PRDM15: variants seen among roughly 807,000 people sequenced by gnomAD.
PRDM15 encodes PR/SET domain 15, also known as PR domain zinc finger protein 15.
PRDM15 carries 64 observed loss-of-function variants against 128.6 expected under a neutral mutation model. That is an observed-to-expected ratio of 0.50 (90% CI 0.41 to 0.61). The LOEUF is 0.61. Ranked by LOEUF, PRDM15 falls within the 20% of genes least tolerant of loss-of-function variation. PRDM15 has a pLI of 0.00. For missense variants in PRDM15, 1,242 were observed against 1,569.1 expected, an observed-to-expected ratio of 0.79 and a Z score of 3.52; for synonymous variants, 615 against 621.8, an observed-to-expected ratio of 0.99 and a Z score of 0.16.
At position 41,859,333 on chromosome 21, in the gene PRDM15, G is replaced by T; in HGVS notation, c.131+259C>A. On this transcript the variant is annotated intron_variant, in intron 3 of 23. Coordinates refer to ENST00000398548, the MANE Select transcript of PRDM15 (RefSeq NM_001040424.3). The surrounding 1 kb of genome is among the most constrained non-coding windows in gnomAD (Gnocchi z 5.3). ...CACTCTTCTGCAGCCTCCACACACT[G>T]TGTCGGGAACAGCTGGGCTCCAGCT... 1 of 1,077,322 alleles carries T rather than the reference G, an allele frequency of 9.3e-7. No individual in the cohort carries two copies. The highest frequency in any genetic ancestry group is 1.4e-6 in the Non-Finnish European group (1 of 729,538). 66.7% of individuals were successfully genotyped at this position (1,077,322 alleles called of 1,614,324 possible). A position where few individuals can be genotyped will look rare whatever the true frequency, so the allele number is the denominator to read the frequency against.
intron 17 of PRDM15, 192 bp downstream of exon 17, chr21:41,819,903 T>A: frequency 1.3e-6 from 1 of 782,038 alleles, no homozygotes; most frequent in Non-Finnish European, 2.0e-6. Context: ...CCTGGAGGGG[T>A]GAGGGGGCTG....
chr21:41,815,920 C>T, intron 18 of PRDM15, 84 bp from the exon 19 acceptor site: 3 of 1,566,912 alleles, frequency 1.9e-6, no homozygotes, highest in South Asian at 1.1e-5. Flanking sequence ...GGGGCAGGCA[C>T]AGGCAGCGGC....
rs932195667 is a variant in PRDM15, at chr21:41,825,895, G to C, written c.1629+65C>G. The C allele has an allele frequency of 1.3e-5, 16 of 1,226,190 alleles. No homozygotes were observed. The African/African-American group carries it at 2.1e-4, about 16-fold the overall frequency. The allele number at this position is 1,226,190 out of a possible 1,614,324, so 76.0% of individuals were successfully genotyped here. A position where few individuals can be genotyped will look rare whatever the true frequency, so the allele number is the denominator to read the frequency against. On this transcript the variant is annotated intron_variant, in intron 13 of 23. Coordinates refer to ENST00000398548, the MANE Select transcript of PRDM15 (RefSeq NM_001040424.3). Reference sequence around the variant, plus strand: ...CAATATTCTATAAGTACAGCTCATAGAGTCTTAACTGAAGAAAATGATGTG... The same window carrying C: ...CAATATTCTATAAGTACAGCTCATACAGTCTTAACTGAAGAAAATGATGTG...
At chr21:41,864,450 G>A (rs1409764974) in intron 1 of PRDM15, among the ~76,000 whole-genome samples, 4 of 137,764 alleles carry the variant, frequency 2.9e-5, no homozygotes, top group Non-Finnish European at 6.2e-5. Context: ...TCATTCAGAA[G>A]GCAACAGGCA....
At position 41,854,625 on chromosome 21, in the gene PRDM15, GC is replaced by G; in HGVS notation, c.478del (p.Ala160ProfsTer12). On this transcript the variant is annotated frameshift_variant, in exon 5 of 24. Transcript: ENST00000398548. LOFTEE classifies it high-confidence loss of function. The surrounding 1 kb of genome is among the most constrained non-coding windows in gnomAD (Gnocchi z 4.6). ...PGTELRVWYAAFYAKKMDKPM... is the reference protein window; with the variant it reads ...PGTELRVWYAXFYAKKMDKPM... Reference sequence around the variant, plus strand: ...CTTGTCCATCTTCTTGGCATAGAAGGCCGCATACCACACGCGCAGCTCGGTA... The same window carrying G: ...CTTGTCCATCTTCTTGGCATAGAAGGCGCATACCACACGCGCAGCTCGGTA... 3 of 1,613,746 alleles carry G rather than the reference GC, an allele frequency of 1.9e-6. No individual in the cohort carries two copies. The highest frequency in any genetic ancestry group is 2.5e-6 in the Non-Finnish European group (3 of 1,179,974).
rs112999404 is a variant in PRDM15 at position 41,822,178 on chromosome 21, C to T, written c.1762-141G>A. ...ATGCCCGTGGCGCCCTAACGAGCTA[C>T]ACTTGTGCCCTAGCCCATCCCAGCT... On this transcript the variant is annotated intron_variant, in intron 14 of 23. Transcript: ENST00000398548. 1.3e-5 allele frequency: 15 copies of T among 1,165,078 alleles called. 1 individual carries two copies. The highest frequency in any genetic ancestry group is 9.1e-5 in the African/African-American group (6 of 66,134). 72.2% of individuals were successfully genotyped at this position (1,165,078 alleles called of 1,614,324 possible).
At chr21:41,850,112 A>C (rs1280232342) in intron 5 of PRDM15, among the ~76,000 whole-genome samples, 1 of 152,210 alleles carries the variant, frequency 6.6e-6, no homozygotes, top group Non-Finnish European at 1.5e-5. Context: ...TTCTCGTTGG[A>C]ACCCATGTGT....
chr21:41,821,300 C>G lies in PRDM15; in HGVS notation c.1897-70G>C. 6.3e-7 allele frequency: 1 copy of G among 1,581,278 alleles called. No homozygotes were observed. The highest frequency in any genetic ancestry group is 8.6e-7 in the Non-Finnish European group (1 of 1,158,886). ...CCCTGGTCCTCTTAGCTAATGAGGTCGTGTCCACAAACCAGGGCACCCGAC... is the reference window on the plus strand; with the variant it reads ...CCCTGGTCCTCTTAGCTAATGAGGTGGTGTCCACAAACCAGGGCACCCGAC... On this transcript the variant is annotated intron_variant, in intron 15 of 23. Transcript: ENST00000398548. This position sits in a 1 kb window ranked among gnomAD's most constrained non-coding sequence, Gnocchi z 5.4.
At chr21:41,843,198 G>C (rs1449933347) in intron 6 of PRDM15, among the ~76,000 whole-genome samples, 1 of 151,960 alleles carries the variant, frequency 6.6e-6, no homozygotes, top group Non-Finnish European at 1.5e-5. Context: ...AATAACATTT[G>C]CTTATTTTTT....
chr21:41,843,950 T>TTAAAAA (rs1555883670), intron 6 of PRDM15, among the ~76,000 whole-genome samples: 2 of 123,292 alleles, frequency 1.6e-5, no homozygotes, highest in African/African-American at 3.0e-5. Context: ...CCTTGTATTG[T>TTAAAAA]AAAAAAAAAA....
intron 1 of PRDM15, chr21:41,861,902 ATCT>A (rs1259810199): frequency 1.2e-6 from 2 of 1,609,800 alleles, no homozygotes; most frequent in Non-Finnish European, 8.5e-7. Flanking sequence ...ACAGCACTGT[ATCT>A]TCTTTTCCTG....
intron 11 of PRDM15, among the ~76,000 whole-genome samples, chr21:41,831,851 G>A (rs543928265): frequency 1.3e-5 from 2 of 152,200 alleles, no homozygotes; most frequent in Non-Finnish European, 2.9e-5. Context: ...CACCTGCAGC[G>A]TGACCTCAGC....
chr21:41,879,018 G>C lies in PRDM15; in HGVS notation c.-10+252C>G, dbSNP rs1415246302. ...GACCCGGCGGGCGGGCGGCGCGCAG[G>C]GCGATCCCGGAGCGGCTCCGGGAAA... On this transcript the variant is annotated intron_variant, in intron 1 of 23. Coordinates refer to ENST00000398548, the MANE Select transcript of PRDM15 (RefSeq NM_001040424.3). The surrounding 1 kb of genome is among the most constrained non-coding windows in gnomAD (Gnocchi z 5.1). 1.9e-6 allele frequency: 2 copies of C among 1,066,292 alleles called. No individual in the cohort carries two copies. Among genetic ancestry groups the C allele is most frequent in the East Asian group, 2.1e-4 (2 of 9,492 alleles). The allele number at this position is 1,066,292 out of a possible 1,614,324, so 66.1% of individuals were successfully genotyped here. A position where few individuals can be genotyped will look rare whatever the true frequency, so the allele number is the denominator to read the frequency against.
intron 11 of PRDM15, among the ~76,000 whole-genome samples, chr21:41,831,036 T>C (rs1157545318): frequency 2.6e-5 from 4 of 152,216 alleles, no homozygotes; most frequent in Non-Finnish European, 5.9e-5. Flanking sequence ...GTCGCCAACG[T>C]GGGAGGACAT....
At position 41,827,360 on chromosome 21, in the gene PRDM15, T is replaced by C. The variant is rs184097591; in HGVS notation, c.1534+806A>G. Among the ~76,000 whole-genome samples the C allele has an allele frequency of 2.6e-3, 395 of 152,350 alleles. 2 individuals are homozygous for C. The highest frequency in any genetic ancestry group is 0.01 in the Middle Eastern group (3 of 294). ...ACGGACATGGTTATACTTCATTTTT[T>C]ATTTTTGTATATATTTTTTGAGATA... On this transcript the variant is annotated intron_variant, in intron 12 of 23. Coordinates refer to ENST00000398548, the MANE Select transcript of PRDM15 (RefSeq NM_001040424.3).
chr21:41,856,235 CCCTT>C (rs2063623307), intron 4 of PRDM15, among the ~76,000 whole-genome samples: 1 of 67,766 alleles, frequency 1.5e-5, no homozygotes. Flanking sequence ...TCCCTTCCTT[CCCTT>C]CCTTCCTTCC....
chr21:41,846,483 C>T (rs906114649), intron 6 of PRDM15, among the ~76,000 whole-genome samples: 2 of 152,188 alleles, frequency 1.3e-5, no homozygotes, highest in Admixed American at 1.3e-4. Context: ...GCAGACGGAC[C>T]GCTTGAGCCC....
Position 41,809,877 on chromosome 21 carries a change from G to A in PRDM15, c.2652+277C>T, listed in dbSNP as rs535194410. Among the ~76,000 whole-genome samples the A allele has an allele frequency of 2.7e-3, 411 of 152,310 alleles. 2 individuals carry two copies. Among genetic ancestry groups the A allele is most frequent in the African/African-American group, 9.6e-3 (398 of 41,566 alleles). On this transcript the variant is annotated intron_variant, in intron 21 of 23. Transcript: ENST00000398548. ...TAGTTCCATGAGTGGGAAGAATGGG[G>A]GGAGTGGCAGGGCTGTGCTTCCATC...
rs1046663678 is a variant in PRDM15 at position 41,854,925 on chromosome 21, G to A, written c.286-107C>T. On this transcript the variant is annotated intron_variant, in intron 4 of 23. Transcript: ENST00000398548. This position sits in a 1 kb window ranked among gnomAD's most constrained non-coding sequence, Gnocchi z 4.6. ...GAGGAACCCATCTAGACAGTGCCACGTCAGAGGCCATAAGGGCTCCTGTAC... is the reference window on the plus strand; with the variant it reads ...GAGGAACCCATCTAGACAGTGCCACATCAGAGGCCATAAGGGCTCCTGTAC... 21 of 1,263,798 alleles carry A rather than the reference G, an allele frequency of 1.7e-5. No individual in the cohort carries two copies. The East Asian group carries it at 2.2e-4, about 13-fold the overall frequency. 78.3% of individuals were successfully genotyped at this position (1,263,798 alleles called of 1,614,324 possible). A position where few individuals can be genotyped will look rare whatever the true frequency, so the allele number is the denominator to read the frequency against.
Sources: gnomAD v4.1 joint callset for allele counts (sites outside exome capture counted in the v4.1 genomes callset) on GRCh38, gnomAD v4.1.1 for gene constraint, Gnocchi (gnomAD v3.1) non-coding constraint, MANE v1.5 for transcripts, NCBI Gene and HGNC (gene_info 2026-07-23, HGNC 2026-07-21) for gene names.